Variants in ZFHX3 observed in about 807,000 individuals in gnomAD.
The protein encoded by ZFHX3 is zinc finger homeobox 3.
In ZFHX3, 42 loss-of-function variants were observed where a neutral mutation model predicts 279.1. That is an observed-to-expected ratio of 0.15 (90% CI 0.12 to 0.19). ZFHX3 has a LOEUF of 0.19. Among genes scored for constraint, ZFHX3 ranks in the 10% least tolerant of loss-of-function variants. The pLI, the probability that ZFHX3 is intolerant of heterozygous loss-of-function variation, is 1.00. For missense variants in ZFHX3, 4,981 were observed against 4,754.0 expected (o/e 1.05, Z -1.40); for synonymous variants, 2,293 against 1,957.8 (o/e 1.17, Z -4.52).
rs1445625385 is a variant in ZFHX3, at chr16:72,788,310, C to T, written c.9966G>A (p.Gln3322=). The change falls in exon 10 of 10, where the codon CAG becomes CAA. Residue 3322 remains glutamine (Q), a synonymous_variant. Coordinates refer to ENST00000268489, the MANE Select transcript of ZFHX3 (RefSeq NM_006885.4). ...ACCCGCTCTGCAGGGCGCCAGGGATCTGGGGAGCATAATAAGGAGAAAAGC... is the reference window on the plus strand; with the variant it reads ...ACCCGCTCTGCAGGGCGCCAGGGATTTGGGGAGCATAATAAGGAGAAAAGC... ...VPGFSPYYAP[Q]IPGALQSGYL... 3.1e-6 allele frequency: 5 copies of T among 1,614,156 alleles called. No individual in the cohort carries two copies. The highest frequency in any genetic ancestry group is 3.3e-5 in the Admixed American group (2 of 60,020).
chr16:73,714,709 T>C (rs2142230662), intron 1 of ZFHX3, among the ~76,000 whole-genome samples: 1 of 152,322 alleles, frequency 6.6e-6, no homozygotes, highest in East Asian at 1.9e-4. Flanking sequence ...CCTTGGGTCA[T>C]GAAGACTACG....
intron 2 of ZFHX3, among the ~76,000 whole-genome samples, chr16:73,472,693 G>A (rs759076623): frequency 3.3e-5 from 5 of 152,174 alleles, no homozygotes; most frequent in Admixed American, 6.5e-5. Flanking sequence ...TTTGGCCAAT[G>A]GGAAGGCCCA....
intron 2 of ZFHX3, among the ~76,000 whole-genome samples, chr16:73,547,560 G>C (rs771276469): frequency 2.6e-5 from 4 of 152,112 alleles, no homozygotes; most frequent in Middle Eastern, 3.2e-3. Flanking sequence ...ACCATGGATG[G>C]GGGGGTTTGT....
At position 73,811,940 on chromosome 16, in the gene ZFHX3, C is replaced by A. The variant is rs182771014; in HGVS notation, c.-1608+79711G>T. On this transcript the variant is annotated intron_variant, in intron 1 of 17. Coordinates refer to the ZFHX3 transcript ENST00000641206. ...TTCTGTGTGTGGAGACTGTGCTGAA[C>A]TTTTTATCTTCATTTTATCTTTGCA... Among the ~76,000 whole-genome samples, 782 of 152,288 alleles carry A rather than the reference C, an allele frequency of 5.1e-3. 7 individuals are homozygous for A. Among genetic ancestry groups the A allele is most frequent in the South Asian group, 7.7e-3 (37 of 4,832 alleles).
intron 3 of ZFHX3, among the ~76,000 whole-genome samples, chr16:72,916,336 A>G (rs544751644): frequency 2.6e-5 from 4 of 152,334 alleles, no homozygotes; most frequent in East Asian, 3.9e-4. Flanking sequence ...TAATTATACT[A>G]TGGTAAGAGG....
chr16:73,889,391 G>A (rs1234954361), intron 1 of ZFHX3, among the ~76,000 whole-genome samples: 1 of 152,192 alleles, frequency 6.6e-6, no homozygotes, highest in Non-Finnish European at 1.5e-5. Context: ...GTGAGACCCA[G>A]GCTAGAGTCA....
intron 8 of ZFHX3, among the ~76,000 whole-genome samples, chr16:73,088,943 A>G (rs1254074580): frequency 6.6e-6 from 1 of 152,148 alleles, no homozygotes; most frequent in Non-Finnish European, 1.5e-5. Flanking sequence ...CAGAGAAAGC[A>G]CGAGGCAGAA....
intron 2 of ZFHX3, among the ~76,000 whole-genome samples, chr16:73,664,276 T>C (rs2052813484): frequency 6.6e-6 from 1 of 152,148 alleles, no homozygotes; most frequent in Non-Finnish European, 1.5e-5. Context: ...GCTAGCACTA[T>C]TTAGTGCTGA....
At chr16:73,350,090 C>A (rs1313430446) in intron 3 of ZFHX3, among the ~76,000 whole-genome samples, 1 of 150,874 alleles carries the variant, frequency 6.6e-6, no homozygotes, top group Non-Finnish European at 1.5e-5. Context: ...AATCTGCCTT[C>A]TTTTAAGCAA....
chr16:73,566,116 T>C (rs1459733104), intron 2 of ZFHX3, among the ~76,000 whole-genome samples: 1 of 152,170 alleles, frequency 6.6e-6, no homozygotes, highest in Non-Finnish European at 1.5e-5. Context: ...TGGTGCAGCC[T>C]CATCTCTCTC....
chr16:72,990,359 T>C (rs1228334402), intron 1 of ZFHX3, among the ~76,000 whole-genome samples: 1 of 152,194 alleles, frequency 6.6e-6, no homozygotes, highest in African/African-American at 2.4e-5. Flanking sequence ...CTAAAGCCCA[T>C]GTCTCAGGCT....
chr16:73,804,897 G>C (rs796971180), intron 1 of ZFHX3, among the ~76,000 whole-genome samples: 1 of 116,020 alleles, frequency 8.6e-6, no homozygotes, highest in African/African-American at 3.4e-5. Context: ...ACACCAAAGA[G>C]GGAGGGAGGG....
intron 7 of ZFHX3, among the ~76,000 whole-genome samples, chr16:72,801,337 C>T (rs187577827): frequency 1.3e-5 from 2 of 152,228 alleles, no homozygotes; most frequent in Admixed American, 6.5e-5. Flanking sequence ...GATTGGAATA[C>T]GTAGATTTCT....
At position 73,417,976 on chromosome 16, in the gene ZFHX3, G is replaced by A. The variant is rs568412463; in HGVS notation, c.-1291+38027C>T. Among the ~76,000 whole-genome samples the A allele has an allele frequency of 4.9e-3, 556 of 113,394 alleles. 2 individuals are homozygous for A. Among genetic ancestry groups the A allele is most frequent in the Middle Eastern group, 0.041 (6 of 148 alleles). 74.4% of individuals were successfully genotyped at this position (113,394 alleles called of 152,430 possible). On this transcript the variant is annotated intron_variant, in intron 3 of 17. Coordinates refer to the ZFHX3 transcript ENST00000641206. ...TGCACTCCAGCCTGGGCAACAGAGC[G>A]AGACTCCATCTCAAAAAAAAAAAAA...
intron 3 of ZFHX3, among the ~76,000 whole-genome samples, chr16:73,445,545 G>T (rs2018172441): frequency 6.6e-6 from 1 of 152,144 alleles, no homozygotes; most frequent in Non-Finnish European, 1.5e-5. Context: ...GCCCTGAGAA[G>T]ATCTTCCTGC....
At chr16:72,987,010 G>C (rs1449569984) in intron 1 of ZFHX3, among the ~76,000 whole-genome samples, 1 of 152,148 alleles carries the variant, frequency 6.6e-6, no homozygotes, top group Non-Finnish European at 1.5e-5. Context: ...AAATTAGCAA[G>C]GTGTGGTGGC....
chr16:73,484,684 C>T (rs911636281), intron 2 of ZFHX3, among the ~76,000 whole-genome samples: 2 of 152,222 alleles, frequency 1.3e-5, no homozygotes, highest in Non-Finnish European at 2.9e-5. Flanking sequence ...CCAAAGCATT[C>T]TCTCCTTTAA....
At chr16:72,789,066 C>A (rs56268740) in intron 9 of ZFHX3, 1 of 444,480 alleles carries the variant, frequency 2.2e-6, no homozygotes, top group African/African-American at 2.0e-5. Flanking sequence ...TCCCATACTT[C>A]CCCTTTCAGC....
At chr16:73,124,245 G>C (rs1966533835) in intron 7 of ZFHX3, among the ~76,000 whole-genome samples, 1 of 152,182 alleles carries the variant, frequency 6.6e-6, no homozygotes, top group African/African-American at 2.4e-5. Context: ...GGAAGTTCAA[G>C]ATCAAGGCAC....
Sources: allele counts gnomAD v4.1 joint callset (sites outside exome capture counted in the v4.1 genomes callset), GRCh38; gene constraint gnomAD v4.1.1; transcripts MANE v1.5; gene names NCBI Gene and HGNC (gene_info 2026-07-23, HGNC 2026-07-21).